The following BLTP3A variants were observed in gnomAD, a reference collection of about 807,000 sequenced individuals.
BLTP3A encodes the protein bridge-like lipid transfer protein family member 3A, also known as ICBP90 binding protein 1.
the BLTP3A span, chr6:34,857,840 A>G: frequency 6.2e-7 from 1 of 1,614,190 alleles, no homozygotes; most frequent in East Asian, 2.2e-5. Flanking sequence ...GGAGCAGTTC[A>G]AAGCTATCTA....
chr6:34,827,785 C>A, the BLTP3A span, among the ~76,000 whole-genome samples: 1 of 152,082 alleles, frequency 6.6e-6, no homozygotes, highest in African/African-American at 2.4e-5. Flanking sequence ...GCGCCTGCCA[C>A]CATGCCTGGC....
chr6:34,823,720 C>T, the BLTP3A span, among the ~76,000 whole-genome samples: 6 of 149,898 alleles, frequency 4.0e-5, no homozygotes, highest in Admixed American at 1.3e-4. Context: ...TTTTTTGTAG[C>T]GATGGTGTCT....
chr6:34,871,867 G>A, the BLTP3A span: 20,026 of 1,614,188 alleles, frequency 0.012, 155 homozygotes, highest in Non-Finnish European at 0.015. Flanking sequence ...AGTGAGAAGA[G>A]ACAGCCCCCA....
At chr6:34,856,401 G>C in the BLTP3A span, 5 of 1,613,892 alleles carry the variant, frequency 3.1e-6, no homozygotes, top group South Asian at 5.5e-5. Context: ...CTCTTTCGGA[G>C]AAAAGCAGGT....
At chr6:34,814,734 T>C in the BLTP3A span, among the ~76,000 whole-genome samples, 3 of 152,264 alleles carry the variant, frequency 2.0e-5, no homozygotes, top group East Asian at 5.8e-4. Context: ...TAAGAAAAAA[T>C]TTATTAATCT....
At chr6:34,796,796 C>G in the BLTP3A span, among the ~76,000 whole-genome samples, 1 of 152,174 alleles carries the variant, frequency 6.6e-6, no homozygotes, top group Non-Finnish European at 1.5e-5. Flanking sequence ...CTCTGCCCCC[C>G]CGAGTTCAAG....
At chr6:34,821,989 G>A in the BLTP3A span, 1 of 1,613,930 alleles carries the variant, frequency 6.2e-7, no homozygotes, top group Non-Finnish European at 8.5e-7. Flanking sequence ...GTTATCAAAT[G>A]GGGATGGCCA....
the BLTP3A span, chr6:34,821,461 G>T: frequency 1.1e-5 from 6 of 565,894 alleles, no homozygotes; most frequent in African/African-American, 3.7e-5. Flanking sequence ...TCTGAGTGCA[G>T]TGTTTACAAC....
At chr6:34,850,824 G>A in the BLTP3A span, among the ~76,000 whole-genome samples, 522 of 152,190 alleles carry the variant, frequency 3.4e-3, 1 homozygote, top group Middle Eastern at 6.8e-3. Flanking sequence ...GGCCTTCTGA[G>A]TGGCTAGGAC....
the BLTP3A span, chr6:34,855,851 GGACGTCT>G: frequency 6.8e-7 from 1 of 1,460,938 alleles, no homozygotes. Flanking sequence ...CTCTTCAAGA[GGACGTCT>G]GGAAACTTGC....
At chr6:34,838,242 A>G in the BLTP3A span, among the ~76,000 whole-genome samples, 2 of 152,220 alleles carry the variant, frequency 1.3e-5, no homozygotes, top group East Asian at 3.8e-4. Flanking sequence ...GTTTCCATAT[A>G]AGTTGGTACT....
chr6:34,856,165 T>C, the BLTP3A span: 1 of 1,536,552 alleles, frequency 6.5e-7, no homozygotes, highest in East Asian at 2.3e-5. Flanking sequence ...ACTATGACTA[T>C]ACTGACAGAA....
chr6:34,814,090 C>T, the BLTP3A span, among the ~76,000 whole-genome samples: 1 of 152,122 alleles, frequency 6.6e-6, no homozygotes, highest in Non-Finnish European at 1.5e-5. Flanking sequence ...AATCTCAGCT[C>T]ACTGCAACCT....
At chr6:34,825,453 A>G in the BLTP3A span, among the ~76,000 whole-genome samples, 8 of 152,240 alleles carry the variant, frequency 5.3e-5, no homozygotes, top group Admixed American at 3.9e-4. Flanking sequence ...GATTACAGGC[A>G]TGCACCACCA....
chr6:34,872,034 G>A, the BLTP3A span: 2 of 1,122,552 alleles, frequency 1.8e-6, no homozygotes, highest in African/African-American at 1.6e-5. Flanking sequence ...CTGCCTGCAT[G>A]TGGGTGTTTT....
At chr6:34,836,114 T>C in the BLTP3A span, 1 of 1,590,048 alleles carries the variant, frequency 6.3e-7, no homozygotes, top group Middle Eastern at 1.7e-4. Context: ...AAAGGATCTT[T>C]TCAGGGTCTG....
At chr6:34,835,566 G>C in the BLTP3A span, 1 of 1,332,482 alleles carries the variant, frequency 7.5e-7, no homozygotes, top group East Asian at 2.4e-5. Context: ...TGGGAAATTT[G>C]TCATTTACTT....
At chr6:34,820,182 G>A in the BLTP3A span, among the ~76,000 whole-genome samples, 7 of 152,074 alleles carry the variant, frequency 4.6e-5, no homozygotes, top group East Asian at 1.4e-3. Context: ...AAAAATAACA[G>A]CTTGCTTCCT....
the BLTP3A span, chr6:34,858,721 G>A: frequency 6.2e-7 from 1 of 1,614,254 alleles, no homozygotes; most frequent in Non-Finnish European, 8.5e-7. Flanking sequence ...AGGACTTACA[G>A]AAGTCATGGA....
Sources: allele counts gnomAD v4.1 joint callset (sites outside exome capture counted in the v4.1 genomes callset), GRCh38; gene constraint gnomAD v4.1.1; transcripts MANE v1.5; gene names NCBI Gene and HGNC (gene_info 2026-07-23, HGNC 2026-07-21).